Variants in LOC128092250 observed in about 807,000 individuals in gnomAD.
the LOC128092250 span, chr8:32,647,292 C>T: frequency 1.0e-6 from 1 of 985,422 alleles, no homozygotes; most frequent in East Asian, 1.1e-4. Flanking sequence ...GCTTTTACTT[C>T]TCCTGCATGA....
At chr8:32,647,264 G>A in the LOC128092250 span, 21 of 985,198 alleles carry the variant, frequency 2.1e-5, no homozygotes, top group Non-Finnish European at 2.4e-5. Flanking sequence ...CGCCGCCACC[G>A]CCGCTGGTCC....
the LOC128092250 span, chr8:32,647,277 C>T: frequency 1.1e-5 from 11 of 985,406 alleles, no homozygotes; most frequent in Non-Finnish European, 1.3e-5. Flanking sequence ...GCTGGTCCTC[C>T]TTCTGCTTTT....
the LOC128092250 span, chr8:32,647,291 TCTC>T: frequency 1.0e-6 from 1 of 985,322 alleles, no homozygotes; most frequent in Non-Finnish European, 1.2e-6. Flanking sequence ...TGCTTTTACT[TCTC>T]CTGCATGACA....
the LOC128092250 span, chr8:32,647,202 ATGCTGT>A: frequency 1.0e-6 from 1 of 985,254 alleles, no homozygotes; most frequent in Non-Finnish European, 1.2e-6. Flanking sequence ...ACACAACAGG[ATGCTGT>A]TGCTATTGTC....
At chr8:32,647,237 G>GC in the LOC128092250 span, 5 of 985,246 alleles carry the variant, frequency 5.1e-6, no homozygotes, top group Non-Finnish European at 6.0e-6. Context: ...CTCTCCTGCC[G>GC]CCGCTGCTGC....
At chr8:32,647,302 A>G in the LOC128092250 span, 1 of 985,294 alleles carries the variant, frequency 1.0e-6, no homozygotes, top group Non-Finnish European at 1.2e-6. Flanking sequence ...CTCCTGCATG[A>G]CAGTTGTTTT....
At chr8:32,647,360 G>A in the LOC128092250 span, 1 of 985,364 alleles carries the variant, frequency 1.0e-6, no homozygotes, top group Non-Finnish European at 1.2e-6. Context: ...TGAGAAACAT[G>A]CCTTTCAGTT....
chr8:32,647,210 G>T, the LOC128092250 span: 17 of 985,266 alleles, frequency 1.7e-5, no homozygotes, highest in Non-Finnish European at 1.9e-5. Flanking sequence ...GGATGCTGTT[G>T]CTATTGTCAC....
At chr8:32,647,221 T>C in the LOC128092250 span, 1 of 985,384 alleles carries the variant, frequency 1.0e-6, no homozygotes, top group Non-Finnish European at 1.2e-6. Context: ...CTATTGTCAC[T>C]ACTGCCTCTC....
chr8:32,647,358 A>G, the LOC128092250 span: 186 of 985,378 alleles, frequency 1.9e-4, no homozygotes, highest in African/African-American at 2.8e-3. Flanking sequence ...GGTGAGAAAC[A>G]TGCCTTTCAG....
chr8:32,647,343 C>T, the LOC128092250 span: 2 of 985,352 alleles, frequency 2.0e-6, no homozygotes, highest in Non-Finnish European at 2.4e-6. Flanking sequence ...GCTTCAGATG[C>T]TCGAGGTGAG....
At chr8:32,647,240 G>C in the LOC128092250 span, 5 of 985,272 alleles carry the variant, frequency 5.1e-6, no homozygotes, top group Non-Finnish European at 4.8e-6. Context: ...TCCTGCCGCC[G>C]CTGCTGCTGC....
chr8:32,647,229 C>T, the LOC128092250 span: 1 of 985,372 alleles, frequency 1.0e-6, no homozygotes, highest in Non-Finnish European at 1.2e-6. Context: ...ACTACTGCCT[C>T]TCCTGCCGCC....
chr8:32,647,241 C>T, the LOC128092250 span: 1 of 985,348 alleles, frequency 1.0e-6, no homozygotes, highest in Non-Finnish European at 1.2e-6. Flanking sequence ...CCTGCCGCCG[C>T]TGCTGCTGCC....
the LOC128092250 span, chr8:32,647,373 G>A: frequency 1.0e-6 from 1 of 985,226 alleles, no homozygotes; most frequent in Non-Finnish European, 1.2e-6. Flanking sequence ...TTTCAGTTTG[G>A]GCTACTGGTT....
At chr8:32,647,232 C>T in the LOC128092250 span, 1 of 985,358 alleles carries the variant, frequency 1.0e-6, no homozygotes, top group Non-Finnish European at 1.2e-6. Context: ...ACTGCCTCTC[C>T]TGCCGCCGCT....
At chr8:32,647,341 TG>T in the LOC128092250 span, 1 of 985,402 alleles carries the variant, frequency 1.0e-6, no homozygotes, top group Non-Finnish European at 1.2e-6. Context: ...CAGCTTCAGA[TG>T]CTCGAGGTGA....
At chr8:32,647,219 A>T in the LOC128092250 span, 262 of 985,178 alleles carry the variant, frequency 2.7e-4, 2 homozygotes, top group African/African-American at 4.1e-3. Context: ...TGCTATTGTC[A>T]CTACTGCCTC....
At chr8:32,647,316 C>T in the LOC128092250 span, 1 of 985,434 alleles carries the variant, frequency 1.0e-6, no homozygotes, top group Non-Finnish European at 1.2e-6. Flanking sequence ...TTGTTTTCTT[C>T]ATCTGAGCAG....
Sources: allele counts gnomAD v4.1 joint callset, GRCh38; gene constraint gnomAD v4.1.1; transcripts MANE v1.5.